WLS: variants seen among roughly 807,000 people sequenced by gnomAD.
WLS encodes Wnt ligand secretion mediator.
A neutral mutation model predicts 62.8 loss-of-function variants in WLS; 23 were observed. The observed-to-expected ratio is 0.37, with a 90% CI of 0.26 to 0.52. The LOEUF is 0.52. Ranked by LOEUF, WLS falls within the 20% of genes least tolerant of loss-of-function variation. The pLI, the probability that WLS is intolerant of heterozygous loss-of-function variation, is 0.92. For synonymous variants in WLS, 246 were observed against 244.1 expected (o/e 1.01, Z -0.07); for missense variants, 615 against 697.3 (o/e 0.88, Z 1.33).
intron 1 of WLS, among the ~76,000 whole-genome samples, chr1:68,230,088 C>G (rs1446550249): frequency 6.6e-6 from 1 of 152,058 alleles, no homozygotes; most frequent in Non-Finnish European, 1.5e-5. Flanking sequence ...TCACGAGTGC[C>G]CTTAGGGCTT....
chr1:68,136,212 C>T (rs561669585), intron 11 of WLS, among the ~76,000 whole-genome samples: 7 of 152,252 alleles, frequency 4.6e-5, no homozygotes, highest in African/African-American at 1.7e-4. Flanking sequence ...AGTAACTACC[C>T]CCCTCCCTTC....
chr1:68,231,760 C>T (rs2100680838), intron 1 of WLS: 1 of 469,466 alleles, frequency 2.1e-6, no homozygotes, highest in Non-Finnish European at 4.2e-6. Context: ...CACAGTTCCC[C>T]GACTCTTCTG....
intron 1 of WLS, chr1:68,201,859 A>T (rs976236278): frequency 1.3e-5 from 2 of 152,238 alleles, no homozygotes; most frequent in Non-Finnish European, 2.9e-5. Flanking sequence ...TACAATATAA[A>T]CTTATGAAAT....
intron 11 of WLS, among the ~76,000 whole-genome samples, chr1:68,109,013 AC>A (rs1646185064): frequency 6.6e-6 from 1 of 152,224 alleles, no homozygotes; most frequent in African/African-American, 2.4e-5. Context: ...AGACAACCTG[AC>A]AAAGTATACT....
intron 2 of WLS, among the ~76,000 whole-genome samples, chr1:68,179,833 G>A (rs962323843): frequency 6.6e-6 from 1 of 152,158 alleles, no homozygotes; most frequent in African/African-American, 2.4e-5. Flanking sequence ...TGCCCAGGTG[G>A]CTCTCATGGC....
downstream of WLS, among the ~76,000 whole-genome samples, chr1:68,124,981 G>A (rs187780564): frequency 1.4e-4 from 22 of 152,348 alleles, no homozygotes; most frequent in African/African-American, 5.1e-4. Context: ...ATCGATATAA[G>A]TGAGGAAATA....
chr1:68,100,202 C>A (rs550055964), intron 11 of WLS, among the ~76,000 whole-genome samples: 1 of 152,306 alleles, frequency 6.6e-6, no homozygotes, highest in East Asian at 1.9e-4. Flanking sequence ...GTCTAGGGGC[C>A]AAGCTCACAT....
intron 1 of WLS, among the ~76,000 whole-genome samples, chr1:68,226,898 T>C (rs1049196368): frequency 6.6e-6 from 1 of 152,214 alleles, no homozygotes; most frequent in Non-Finnish European, 1.5e-5. Context: ...TATATGGATT[T>C]AAACATTTTA....
intron 6 of WLS, among the ~76,000 whole-genome samples, chr1:68,149,190 T>C (rs1646792616): frequency 6.6e-6 from 1 of 151,882 alleles, no homozygotes; most frequent in Non-Finnish European, 1.5e-5. Flanking sequence ...AAGGAAGGAA[T>C]GTAGAATGAG....
At chr1:68,107,939 G>A (rs1646170219) in intron 11 of WLS, among the ~76,000 whole-genome samples, 1 of 152,128 alleles carries the variant, frequency 6.6e-6, no homozygotes, top group Non-Finnish European at 1.5e-5. Context: ...CAGTTCTAGA[G>A]CCTTCCAGAC....
rs1270543034 is a variant in WLS at position 68,194,216 on chromosome 1, T to C, written c.118A>G (p.Thr40Ala). ...LVGGLIAPGPTTAVSYMSVKC... is the reference protein window; with the variant it reads ...LVGGLIAPGPATAVSYMSVKC... The stretch of plus-strand genomic sequence containing the variant: ...ACCGACATGTAGGACACTGCCGTTG[T>C]GGGCCCTGGAGCTGAAAAGAGAAAG... Residue 40 changes from threonine to alanine, a missense_variant, in exon 2 of 12, where the codon ACA becomes GCA. Thr to Ala is a moderately conservative substitution (Grantham distance 58). Coordinates refer to ENST00000262348, the MANE Select transcript of WLS (RefSeq NM_024911.7). The C allele has an allele frequency of 1.9e-6, 3 of 1,613,924 alleles. No individual in the cohort carries two copies. The highest frequency in any genetic ancestry group is 2.5e-6 in the Non-Finnish European group (3 of 1,179,950).
intron 11 of WLS, among the ~76,000 whole-genome samples, chr1:68,118,259 A>G (rs963122479): frequency 6.6e-6 from 1 of 152,214 alleles, no homozygotes; most frequent in African/African-American, 2.4e-5. Flanking sequence ...TAAAAATATC[A>G]AGTCATAGGA....
At chr1:68,219,953 C>T (rs959352410) in intron 1 of WLS, among the ~76,000 whole-genome samples, 5 of 152,052 alleles carry the variant, frequency 3.3e-5, no homozygotes, top group South Asian at 4.1e-4. Flanking sequence ...GGATTCACTT[C>T]GCAGCAAGCA....
intron 2 of WLS, among the ~76,000 whole-genome samples, chr1:68,167,855 G>C (rs187096121): frequency 1.0e-3 from 154 of 152,260 alleles, no homozygotes; most frequent in Admixed American, 1.8e-3. Flanking sequence ...TTTCCATCCT[G>C]TTATGGGGGC....
chr1:68,227,539 A>G (rs563599675), intron 1 of WLS, among the ~76,000 whole-genome samples: 1 of 152,270 alleles, frequency 6.6e-6, no homozygotes, highest in Admixed American at 6.5e-5. Flanking sequence ...AGAGTAATTG[A>G]AAACTCTTTT....
intron 2 of WLS, chr1:68,163,010 G>C: frequency 1.3e-6 from 2 of 1,593,768 alleles, no homozygotes; most frequent in Non-Finnish European, 1.7e-6. Context: ...GCAGGGGGCC[G>C]TTCATGATCT....
chr1:68,175,967 C>T (rs1647241608), intron 2 of WLS, among the ~76,000 whole-genome samples: 1 of 152,194 alleles, frequency 6.6e-6, no homozygotes, highest in Non-Finnish European at 1.5e-5. Flanking sequence ...CACAGGAAAG[C>T]TTTGTTTCTG....
chr1:68,209,791 A>C (rs1253940498), intron 1 of WLS, among the ~76,000 whole-genome samples: 1 of 152,182 alleles, frequency 6.6e-6, no homozygotes, highest in African/African-American at 2.4e-5. Context: ...CAAAAAAAAA[A>C]AAGAAGTGGT....
intron 2 of WLS, among the ~76,000 whole-genome samples, chr1:68,173,633 G>A (rs575665001): frequency 6.6e-6 from 1 of 152,342 alleles, no homozygotes; most frequent in South Asian, 2.1e-4. Context: ...TCTTCAAAGA[G>A]CTGGCAGAGG....
Sources: gnomAD v4.1 joint callset for allele counts (sites outside exome capture counted in the v4.1 genomes callset) on GRCh38, gnomAD v4.1.1 for gene constraint, MANE v1.5 for transcripts, NCBI Gene and HGNC (gene_info 2026-07-23, HGNC 2026-07-21) for gene names.